TP63: variants seen among roughly 807,000 people sequenced by gnomAD.
The protein encoded by TP63 is tumor protein p63, also known as tumor protein 63.
A neutral mutation model predicts 82.8 loss-of-function variants in TP63; 17 were observed. The ratio of observed to expected loss-of-function variants is 0.21; its 90% CI spans 0.14 to 0.31. The LOEUF (loss-of-function observed/expected upper bound fraction) is 0.31, where lower values mean the gene tolerates loss of function less well. TP63 is among the 10% of genes least tolerant of loss of function. The probability of loss-of-function intolerance (pLI) is 1.00; values close to 1 mark genes in which losing one functional copy is unlikely to be tolerated. For missense variants in TP63, 648 were observed against 895.3 expected (o/e 0.72, Z 3.52); for synonymous variants, 330 against 321.7 (o/e 1.03, Z -0.28).
chr3:189,746,238 G>A (rs1452992051), intron 3 of TP63, among the ~76,000 whole-genome samples: 1 of 151,672 alleles, frequency 6.6e-6, no homozygotes, highest in Non-Finnish European at 1.5e-5. Flanking sequence ...AAACCCACAG[G>A]CCAGGAGTAA....
chr3:189,619,656 A>G, the TP63 span, among the ~76,000 whole-genome samples: 3 of 152,154 alleles, frequency 2.0e-5, no homozygotes, highest in Non-Finnish European at 2.9e-5. Flanking sequence ...CTTAGCAGTA[A>G]CCATAAAGCT....
intron 13 of TP63, among the ~76,000 whole-genome samples, chr3:189,894,004 A>G (rs1721273014): frequency 6.6e-6 from 1 of 152,218 alleles, no homozygotes; most frequent in Non-Finnish European, 1.5e-5. Flanking sequence ...CTACACAGGC[A>G]GGAAAGACAC....
Position 189,651,771 on chromosome 3 carries a change from G to A in TP63, c.62+20194G>A, listed in dbSNP as rs1020097117. On this transcript the variant is annotated intron_variant, in intron 1 of 13. Transcript: ENST00000264731. ...AATGGTTTCCTGGGCTGAGTCCAGG[G>A]CCCCCTGCTCTGTGCAGCCTCGGGA... is the stretch of plus-strand genomic sequence containing the variant. 8.9e-5 allele frequency among the ~76,000 whole-genome samples: 13 copies of A among 146,564 alleles called. 1 individual carries two copies. The highest frequency in any genetic ancestry group is 1.2e-4 in the Non-Finnish European group (8 of 67,208).
At chr3:189,621,773 G>T in the TP63 span, among the ~76,000 whole-genome samples, 2 of 152,050 alleles carry the variant, frequency 1.3e-5, no homozygotes, top group African/African-American at 4.8e-5. Flanking sequence ...TGGTAATTCA[G>T]TTCCATGGGG....
intron 4 of TP63, among the ~76,000 whole-genome samples, chr3:189,855,887 C>T (rs888494815): frequency 1.3e-5 from 2 of 151,838 alleles, no homozygotes; most frequent in African/African-American, 4.8e-5. Context: ...GTTGGGGAGA[C>T]GTTGACAAAA....
intron 1 of TP63, among the ~76,000 whole-genome samples, chr3:189,689,173 A>G (rs1209146215): frequency 8.1e-6 from 1 of 123,006 alleles, no homozygotes; most frequent in African/African-American, 3.1e-5. Flanking sequence ...CTGGAGTGCA[A>G]TGGCATGAAC....
At chr3:189,890,986 G>A in intron 13 of TP63, 104 bp downstream of exon 13, 9 of 1,063,390 alleles carry the variant, frequency 8.5e-6, no homozygotes, top group Non-Finnish European at 1.3e-5. Flanking sequence ...ATTTGTTTTT[G>A]TCATGCCCCC....
intron 1 of TP63, among the ~76,000 whole-genome samples, chr3:189,734,162 C>G (rs1231086870): frequency 9.0e-6 from 1 of 111,610 alleles, no homozygotes; most frequent in Non-Finnish European, 1.8e-5. Context: ...CTCCCTCCCT[C>G]CCTCCCTTCT....
intron 3 of TP63, among the ~76,000 whole-genome samples, chr3:189,746,153 A>AAAAT (rs1380883405): frequency 1.3e-5 from 2 of 152,074 alleles, no homozygotes; most frequent in East Asian, 1.9e-4. Context: ...AAAAGCAGCA[A>AAAAT]AAATAAATAA....
At chr3:189,741,743 A>G (rs941265454) in intron 3 of TP63, among the ~76,000 whole-genome samples, 2 of 152,230 alleles carry the variant, frequency 1.3e-5, no homozygotes, top group Non-Finnish European at 2.9e-5. Flanking sequence ...TAGCCATTAA[A>G]TGGAATCACC....
At chr3:189,682,685 A>T (rs1477600619) in intron 1 of TP63, among the ~76,000 whole-genome samples, 1 of 151,530 alleles carries the variant, frequency 6.6e-6, no homozygotes, top group African/African-American at 2.4e-5. Flanking sequence ...TTCACTTAGG[A>T]GGTCTTTCAC....
rs546927945 is a variant in TP63 at position 189,685,073 on chromosome 3, G to A, written c.63-52667G>A. Among the ~76,000 whole-genome samples, 6 of 152,208 alleles carry A rather than the reference G, an allele frequency of 3.9e-5. No homozygotes were observed. In the South Asian group the frequency reaches 1.2e-3, roughly 32 times the overall value. ...CCTAGACAAACCATAAATGAGAATA[G>A]ACAAATAGAATGTGGTGGAAATTCT... On this transcript the variant is annotated intron_variant, in intron 1 of 13. Transcript: ENST00000264731.
At chr3:189,612,028 C>A in the TP63 span, among the ~76,000 whole-genome samples, 11 of 152,088 alleles carry the variant, frequency 7.2e-5, no homozygotes, top group Admixed American at 3.9e-4. Context: ...AGCTTTTGGG[C>A]TGAGCATATA....
At chr3:189,794,991 T>C (rs1015512243) in intron 3 of TP63, among the ~76,000 whole-genome samples, 1 of 152,120 alleles carries the variant, frequency 6.6e-6, no homozygotes, top group Admixed American at 6.6e-5. Context: ...TGGGAACTAC[T>C]GGTCTTGGTT....
At chr3:189,728,910 G>C (rs577689846) in intron 1 of TP63, among the ~76,000 whole-genome samples, 1 of 152,262 alleles carries the variant, frequency 6.6e-6, no homozygotes, top group East Asian at 1.9e-4. Context: ...TGAGATTTGT[G>C]TGGGGATACA....
intron 1 of TP63, among the ~76,000 whole-genome samples, chr3:189,651,387 A>C (rs935402281): frequency 6.8e-6 from 1 of 146,150 alleles, no homozygotes; most frequent in Non-Finnish European, 1.5e-5. Flanking sequence ...CTCTTCTAAA[A>C]ATACGAAAAT....
chr3:189,632,301 C>T (rs924255606), intron 1 of TP63, among the ~76,000 whole-genome samples: 3 of 152,050 alleles, frequency 2.0e-5, no homozygotes, highest in East Asian at 1.9e-4. Context: ...CATGAGATTT[C>T]GTACTTTATT....
Position 189,808,603 on chromosome 3 carries a change from C to T in TP63, c.579+77C>T, listed in dbSNP as rs2108638907. On this transcript the variant is annotated intron_variant, in intron 4 of 13. Transcript: ENST00000264731. ...TTCACCACGTCCCAGGGATTTCTCC[C>T]CCTTCCCAGTTTAGCGATTCCATGT... 4 of 1,603,762 alleles carry T rather than the reference C, an allele frequency of 2.5e-6. 1 individual carries two copies. The South Asian group carries it at 4.4e-5, about 18-fold the overall frequency.
intron 1 of TP63, among the ~76,000 whole-genome samples, chr3:189,635,397 C>T (rs12107966): frequency 0.12 from 17,773 of 152,102 alleles, 1,396 homozygotes; most frequent in East Asian, 0.38. Context: ...CTGTGTTGGG[C>T]GTCCTTCACT....
Sources: allele counts gnomAD v4.1 joint callset (sites outside exome capture counted in the v4.1 genomes callset), GRCh38; gene constraint gnomAD v4.1.1; transcripts MANE v1.5; gene names NCBI Gene and HGNC (gene_info 2026-07-23, HGNC 2026-07-21).